Variants in PABPC1L observed in about 807,000 individuals in gnomAD.
The protein encoded by PABPC1L is polyadenylate-binding protein 1-like.
PABPC1L carries 31 observed loss-of-function variants against 66.6 expected under a neutral mutation model. The observed-to-expected ratio is 0.47, with a 90% CI of 0.35 to 0.63. The LOEUF (loss-of-function observed/expected upper bound fraction) is 0.63, where lower values mean the gene tolerates loss of function less well. PABPC1L is among the 20% of genes least tolerant of loss of function. PABPC1L has a pLI of 0.00. For synonymous variants in PABPC1L, 348 were observed against 335.1 expected, an observed-to-expected ratio of 1.04 and a Z score of -0.42; for missense variants, 722 against 848.8, an observed-to-expected ratio of 0.85 and a Z score of 1.86.
At chr20:44,934,577 T>C (rs79317750) in intron 10 of PABPC1L, among the ~76,000 whole-genome samples, 6,528 of 152,296 alleles carry the variant, frequency 0.043, 469 homozygotes, top group African/African-American at 0.14. Context: ...AGTAGAATCA[T>C]AGAGTATTTG....
rs578096496 is a variant in PABPC1L, at chr20:44,914,045, C to G, written c.387+1192C>G. Among the ~76,000 whole-genome samples, 112 of 152,172 alleles carry G rather than the reference C, an allele frequency of 7.4e-4. 1 individual carries two copies. The highest frequency in any genetic ancestry group is 2.5e-3 in the African/African-American group (103 of 41,500). ...TTTATATGAGGATGTTGAGGATCAG[C>G]GGCCATATAGCAGGTCAGTATGTCT... On this transcript the variant is annotated intron_variant, in intron 2 of 14. Transcript: ENST00000217073.
At chr20:44,937,644 A>G (rs1221476014) in intron 12 of PABPC1L, among the ~76,000 whole-genome samples, 1 of 152,120 alleles carries the variant, frequency 6.6e-6, no homozygotes, top group East Asian at 1.9e-4. Flanking sequence ...CAAACTCCTG[A>G]TCTCAGGTGA....
intron 2 of PABPC1L, 62 bp from the exon 3 acceptor site, chr20:44,916,694 C>A: frequency 6.7e-7 from 1 of 1,501,332 alleles, no homozygotes; most frequent in Non-Finnish European, 9.3e-7. Context: ...ATCACCTTTG[C>A]CATTCCTTTC....
At chr20:44,936,883 C>T (rs768769835) in intron 12 of PABPC1L, 153 bp downstream of exon 12, 31 of 762,952 alleles carry the variant, frequency 4.1e-5, no homozygotes, top group South Asian at 1.8e-4. Flanking sequence ...CAAGCTGGCT[C>T]TATTCTCTAG....
intron 2 of PABPC1L, among the ~76,000 whole-genome samples, chr20:44,915,043 A>G (rs1157806231): frequency 2.0e-5 from 3 of 152,228 alleles, no homozygotes; most frequent in African/African-American, 4.8e-5. Context: ...GTTAAATCCA[A>G]GCTGAGGCTT....
rs2066695206 is a variant in PABPC1L at position 44,910,329 on chromosome 20, C to T, written c.186C>T (p.Pro62=). Residue 62 remains proline (P), a synonymous_variant, in exon 1 of 15, where the codon CCC becomes CCT. Transcript: ENST00000217073. ...LGYAYINFQQ[P]ADAERALDTM... ...ACGCCTACATCAACTTCCAGCAGCC[C>T]GCGGACGGTGAGCCCCGGGGATGGG... The T allele has an allele frequency of 6.6e-7, 1 of 1,508,550 alleles. No homozygotes were observed. Among genetic ancestry groups the T allele is most frequent in the Non-Finnish European group, 8.9e-7 (1 of 1,120,800 alleles). The allele number at this position is 1,508,550 out of a possible 1,614,324, so 93.4% of individuals were successfully genotyped here. A position where few individuals can be genotyped will look rare whatever the true frequency, so the allele number is the denominator to read the frequency against.
rs150004450 is a variant in PABPC1L, at chr20:44,925,232, C to G, written c.972+976C>G. On this transcript the variant is annotated intron_variant, in intron 7 of 14. Coordinates refer to ENST00000217073, the MANE Select transcript of PABPC1L (RefSeq NM_001372179.1). ...TCTCAAAAAAAAAAAAAAAAAAAAG[C>G]GCCCAGATGGTTTTTAAGATGATGA... Among the ~76,000 whole-genome samples the G allele has an allele frequency of 3.6e-4, 49 of 136,082 alleles. 1 individual carries two copies. The East Asian group carries it at 7.9e-3, about 22-fold the overall frequency. The allele number at this position is 136,082 out of a possible 152,430, so 89.3% of individuals were successfully genotyped here.
At chr20:44,935,764 G>A (rs942168511) in intron 11 of PABPC1L, among the ~76,000 whole-genome samples, 2 of 152,166 alleles carry the variant, frequency 1.3e-5, no homozygotes, top group African/African-American at 4.8e-5. Context: ...CCAAGGAAAG[G>A]TATTCTAAGA....
chr20:44,923,270 G>A (rs943474943), intron 6 of PABPC1L, among the ~76,000 whole-genome samples: 2 of 152,148 alleles, frequency 1.3e-5, no homozygotes, highest in African/African-American at 4.8e-5. Context: ...TTGTGTTTCA[G>A]TTTTGTCTGT....
Position 44,912,474 on chromosome 20 carries a change from A to T in PABPC1L, c.194-186A>T, listed in dbSNP as rs2066711575. 2.0e-5 allele frequency among the ~76,000 whole-genome samples: 3 copies of T among 152,262 alleles called. No homozygotes were observed. In the South Asian group the frequency reaches 6.2e-4, roughly 32 times the overall value. ...GGGAGCACCATACACACTAATTCTC[A>T]GCTTATCCTTCCTGAGCCTTTGGGC... is the stretch of plus-strand genomic sequence containing the variant. On this transcript the variant is annotated intron_variant, in intron 1 of 14. Transcript: ENST00000217073.
rs985318538 is a variant in PABPC1L at position 44,934,919 on chromosome 20, T to C, written c.1460-472T>C. On this transcript the variant is annotated intron_variant, in intron 10 of 14. Transcript: ENST00000217073. The stretch of plus-strand genomic sequence containing the variant: ...CCTGTCTCTACTAAAAATACAAAAA[T>C]TAGCCGGACGTGGTGGCATGTGCTT... Among the ~76,000 whole-genome samples, 3 of 152,046 alleles carry C rather than the reference T, an allele frequency of 2.0e-5. No individual in the cohort carries two copies. In the South Asian group the frequency reaches 6.2e-4, roughly 31 times the overall value.
At chr20:44,924,339 C>A (rs1296510920) in intron 7 of PABPC1L, 83 bp downstream of exon 7, 2 of 1,112,416 alleles carry the variant, frequency 1.8e-6, no homozygotes, top group East Asian at 4.8e-5. Context: ...CCCCTCCACC[C>A]TCTCGCCCAG....
chr20:44,918,544 C>T (rs1601109928), intron 3 of PABPC1L, among the ~76,000 whole-genome samples: 1 of 152,254 alleles, frequency 6.6e-6, no homozygotes, highest in South Asian at 2.1e-4. Flanking sequence ...AAGTAGCTTG[C>T]CCAGGGTCAC....
intron 7 of PABPC1L, among the ~76,000 whole-genome samples, chr20:44,925,277 A>G (rs1431852858): frequency 6.6e-6 from 1 of 151,490 alleles, no homozygotes; most frequent in Non-Finnish European, 1.5e-5. Context: ...TCTTCATTCT[A>G]TACTTAAATA....
intron 10 of PABPC1L, among the ~76,000 whole-genome samples, chr20:44,934,388 A>C (rs1568652198): frequency 6.6e-6 from 1 of 152,228 alleles, no homozygotes; most frequent in African/African-American, 2.4e-5. Flanking sequence ...CATTAAGTAT[A>C]TTCACACTGT....
intron 13 of PABPC1L, 68 bp from the exon 14 acceptor site, chr20:44,938,606 A>G: frequency 1.3e-6 from 2 of 1,521,104 alleles, no homozygotes; most frequent in East Asian, 2.4e-5. Flanking sequence ...AGCGAGGGGG[A>G]GATCAAGGCT....
intron 5 of PABPC1L, among the ~76,000 whole-genome samples, chr20:44,921,029 T>A (rs1285293826): frequency 6.6e-6 from 1 of 151,424 alleles, no homozygotes; most frequent in Non-Finnish European, 1.5e-5. Context: ...GCCAGGCTGG[T>A]TTCGAACTCC....
At chr20:44,932,714 G>T in intron 9 of PABPC1L, 1 of 506,914 alleles carries the variant, frequency 2.0e-6, no homozygotes, top group South Asian at 3.0e-5. Context: ...AGCTGAGAAG[G>T]TGAAATTCCT....
intron 7 of PABPC1L, 58 bp from the exon 8 acceptor site, chr20:44,930,402 G>T (rs3746580): frequency 0.25 from 391,142 of 1,564,556 alleles, 49,983 homozygotes; most frequent in Admixed American, 0.33. Context: ...GGGAGGCAGC[G>T]CAGCCCCAGG....
Sources: allele counts gnomAD v4.1 joint callset (sites outside exome capture counted in the v4.1 genomes callset), GRCh38; gene constraint gnomAD v4.1.1; transcripts MANE v1.5; gene names NCBI Gene and HGNC (gene_info 2026-07-23, HGNC 2026-07-21).